Variants in GON4L observed in about 807,000 individuals in gnomAD.
GON4L encodes GON-4-like protein.
In GON4L, 87 loss-of-function variants were observed where a neutral mutation model predicts 211.8. The ratio of observed to expected loss-of-function variants is 0.41; its 90% CI spans 0.35 to 0.49. GON4L has a LOEUF of 0.49. Ranked by LOEUF, GON4L falls within the 20% of genes least tolerant of loss-of-function variation. The pLI is 0.15. For synonymous variants in GON4L, 875 were observed against 962.6 expected (o/e 0.91, Z 1.68); for missense variants, 2,155 against 2,659.5 (o/e 0.81, Z 4.17).
At chr1:155,845,510 A>G (rs942275955) in intron 2 of GON4L, 4 of 342,634 alleles carry the variant, frequency 1.2e-5, no homozygotes, top group Non-Finnish European at 2.4e-5. Context: ...ATGGCAAATG[A>G]AAGTACTTGA....
chr1:155,784,924 G>T (rs955901555), intron 13 of GON4L: 1 of 316,742 alleles, frequency 3.2e-6, no homozygotes, highest in African/African-American at 2.2e-5. Flanking sequence ...AACAACCTGA[G>T]CAATGTGGTA....
Position 155,799,920 on chromosome 1 carries a change from G to T in GON4L, c.1646-4769C>A, listed in dbSNP as rs1415669550. Among the ~76,000 whole-genome samples, 3 of 152,228 alleles carry T rather than the reference G, an allele frequency of 2.0e-5. No individual in the cohort carries two copies. In the East Asian group the frequency reaches 5.8e-4, roughly 29 times the overall value. ...ATAAAAAGCACAGCTTATTATGAAG[G>T]CTAGGAGCAGTGGCTCATGCCTGTA... On this transcript the variant is annotated intron_variant, in intron 11 of 31. Coordinates refer to ENST00000368331, the MANE Select transcript of GON4L (RefSeq NM_001282860.2).
intron 21 of GON4L, 37 bp from the exon 22 acceptor site, chr1:155,763,601 T>C (rs1662074910): frequency 1.3e-6 from 2 of 1,492,964 alleles, no homozygotes; most frequent in Non-Finnish European, 1.8e-6. Context: ...TAATGGCTCT[T>C]AGTGGCTCAT....
At chr1:155,790,615 C>T (rs988240830) in intron 12 of GON4L, among the ~76,000 whole-genome samples, 7 of 151,834 alleles carry the variant, frequency 4.6e-5, no homozygotes, top group African/African-American at 1.7e-4. Context: ...AGCTGTGAAA[C>T]CCGCACATAT....
At chr1:155,796,283 C>CT (rs368237326) in intron 11 of GON4L, among the ~76,000 whole-genome samples, 5,973 of 142,822 alleles carry the variant, frequency 0.042, 146 homozygotes, top group Non-Finnish European at 0.049. Context: ...TTTCTTTTTT[C>CT]TTTTTTTTTT....
Position 155,853,473 on chromosome 1 carries a change from A to G in GON4L, c.308T>C (p.Ile103Thr). 1.2e-6 allele frequency: 2 copies of G among 1,614,054 alleles called. No individual in the cohort carries two copies. The highest frequency in any genetic ancestry group is 1.7e-6 in the Non-Finnish European group (2 of 1,179,904). ...EGVDVAISQG[I>T]TLPSLESFHP... ...AAAAGACTCCAAGGAAGGTAGGGTG[A>G]TTCCCTGAGAGATGGCCACATCAAC... Residue 103 changes from isoleucine to threonine, a missense_variant, in exon 2 of 32, where the codon ATC becomes ACC. Ile to Thr is a moderately conservative substitution (Grantham distance 89). Around this residue, in one of 6 missense-constraint regions of GON4L, gnomAD observed 313 missense variants for 293.2 expected, o/e 1.07. Coordinates refer to ENST00000368331, the MANE Select transcript of GON4L (RefSeq NM_001282860.2).
chr1:155,745,523 G>A (rs368487298), downstream of GON4L, among the ~76,000 whole-genome samples: 85 of 152,326 alleles, frequency 5.6e-4, no homozygotes, highest in African/African-American at 1.9e-3. Context: ...AGAGCCTTCC[G>A]CGGCCCGCGC....
At chr1:155,800,007 C>A (rs550488023) in intron 11 of GON4L, among the ~76,000 whole-genome samples, 4 of 152,198 alleles carry the variant, frequency 2.6e-5, no homozygotes, top group African/African-American at 9.6e-5. Context: ...TCGAGACCAG[C>A]GTGACCAACA....
chr1:155,791,610 G>C (rs1422460765), intron 12 of GON4L, among the ~76,000 whole-genome samples: 1 of 151,460 alleles, frequency 6.6e-6, no homozygotes, highest in Non-Finnish European at 1.5e-5. Flanking sequence ...GCTCATGACT[G>C]TAATCCCAAC....
At chr1:155,849,728 C>T (rs1443965635) in intron 2 of GON4L, among the ~76,000 whole-genome samples, 2 of 137,706 alleles carry the variant, frequency 1.5e-5, no homozygotes, top group Admixed American at 8.1e-5. Context: ...GAGTCAAGAT[C>T]GCACCACTGC....
intron 12 of GON4L, among the ~76,000 whole-genome samples, chr1:155,786,948 G>A (rs552860584): frequency 1.3e-5 from 2 of 151,068 alleles, no homozygotes; most frequent in African/African-American, 4.9e-5. Context: ...TTGAGACGGA[G>A]TCTTGCTCTG....
chr1:155,808,045 T>A (rs1749418), intron 10 of GON4L, among the ~76,000 whole-genome samples: 131,767 of 150,680 alleles, frequency 0.87, 59,682 homozygotes, highest in East Asian at 1. Flanking sequence ...TTATTTATTT[T>A]TTTTTTTTTT....
intron 1 of GON4L, among the ~76,000 whole-genome samples, chr1:155,856,253 G>A (rs769471184): frequency 6.6e-6 from 1 of 151,736 alleles, no homozygotes; most frequent in Non-Finnish European, 1.5e-5. Flanking sequence ...CCAGAGACAA[G>A]GTCTCGCTCT....
chr1:155,761,175 G>GTTTTT (rs921323729), intron 23 of GON4L, among the ~76,000 whole-genome samples: 5 of 109,534 alleles, frequency 4.6e-5, no homozygotes, highest in Non-Finnish European at 5.5e-5. Flanking sequence ...CTTATGTGTG[G>GTTTTT]TTTTTTTTTT....
In GON4L at chr1:155,828,677, G is replaced by A. The variant is rs576692894; in HGVS notation, c.506-1649C>T. ...CAAAAAATTAGCCAGGCATGGTGGC[G>A]GGCACCTGTAATCTCAGCTACTTAG... is the stretch of plus-strand genomic sequence containing the variant. On this transcript the variant is annotated intron_variant, in intron 2 of 31. Coordinates refer to ENST00000368331, the MANE Select transcript of GON4L (RefSeq NM_001282860.2). Among the ~76,000 whole-genome samples the A allele has an allele frequency of 1.5e-3, 217 of 149,098 alleles. 1 individual carries two copies. The highest frequency in any genetic ancestry group is 5.1e-3 in the African/African-American group (205 of 40,502).
At chr1:155,798,408 CTT>C (rs35010499) in intron 11 of GON4L, among the ~76,000 whole-genome samples, 6 of 125,018 alleles carry the variant, frequency 4.8e-5, no homozygotes, top group Non-Finnish European at 3.4e-5. Flanking sequence ...ACAGCAAGTT[CTT>C]TTTTTTTTTT....
At chr1:155,855,504 A>T (rs1261885226) in intron 1 of GON4L, among the ~76,000 whole-genome samples, 2 of 152,052 alleles carry the variant, frequency 1.3e-5, no homozygotes, top group African/African-American at 4.8e-5. Flanking sequence ...TTACGGTCCC[A>T]TCCAAGCCAC....
In GON4L at chr1:155,821,492, C is replaced by T. The variant is rs749223986; in HGVS notation, c.945G>A (p.Thr315=). ...VAMMKAAISE[T]EDMPMFEPKM... ...TACTCACAAACATTGGCATATCTTC[C>T]GTCTCACTGATGGCTGCTTTCATCA... The change falls in exon 5 of 32, where the codon ACG becomes ACA. Residue 315 remains threonine, a synonymous_variant. Transcript: ENST00000368331. The T allele has an allele frequency of 3.8e-6, 6 of 1,593,558 alleles. No individual in the cohort carries two copies. Among genetic ancestry groups the T allele is most frequent in the East Asian group, 2.2e-5 (1 of 44,748 alleles).
chr1:155,754,134 T>C, intron 28 of GON4L: 2 of 550,720 alleles, frequency 3.6e-6, no homozygotes, highest in East Asian at 6.7e-5. Context: ...CTGAGGGAAA[T>C]ATTTTAACTG....
Sources: gnomAD v4.1 joint callset for allele counts (sites outside exome capture counted in the v4.1 genomes callset) on GRCh38, gnomAD v4.1.1 for gene constraint, gnomAD v4.1.1 regional missense constraint, MANE v1.5 for transcripts, NCBI Gene and HGNC (gene_info 2026-07-23, HGNC 2026-07-21) for gene names.